The following XPO6 variants were observed in gnomAD, a reference collection of about 807,000 sequenced individuals.
XPO6 encodes the protein exportin-6.
A neutral mutation model predicts 130.0 loss-of-function variants in XPO6; 3 were observed. The observed-to-expected ratio is 0.02, with a 90% CI of 0.01 to 0.06. The LOEUF is 0.06. Ranked by LOEUF, XPO6 falls within the 10% of genes least tolerant of loss-of-function variation. The pLI is 1.00. For synonymous variants in XPO6, 524 were observed against 548.9 expected (o/e 0.95, Z 0.63); for missense variants, 970 against 1,393.0 (o/e 0.70, Z 4.83).
intron 6 of XPO6, among the ~76,000 whole-genome samples, chr16:28,163,137 G>A (rs1027014312): frequency 6.6e-6 from 1 of 152,152 alleles, no homozygotes; most frequent in African/African-American, 2.4e-5. Context: ...TGCAGCCTTG[G>A]CCAGTAAAAT....
At position 28,138,622 on chromosome 16, in the gene XPO6, G is replaced by A. The variant is rs548565980; in HGVS notation, c.1335-3298C>T. 8.7e-4 allele frequency among the ~76,000 whole-genome samples: 133 copies of A among 152,274 alleles called. 1 individual carries two copies. Among genetic ancestry groups the A allele is most frequent in the South Asian group, 1.7e-3 (8 of 4,824 alleles). Reference sequence around the variant, plus strand: ...GCCCAATACCCATTCTCCTTCCTCAGCAAGAGAGCACTGGGTATTGAGGCC... The same window carrying A: ...GCCCAATACCCATTCTCCTTCCTCAACAAGAGAGCACTGGGTATTGAGGCC... On this transcript the variant is annotated intron_variant, in intron 9 of 23. Transcript: ENST00000304658.
chr16:28,150,574 C>T (rs907100198), intron 8 of XPO6, among the ~76,000 whole-genome samples: 7 of 152,082 alleles, frequency 4.6e-5, no homozygotes, highest in Admixed American at 4.6e-4. Flanking sequence ...TGGGTCCAAT[C>T]CAAAGAATCA....
chr16:28,152,156 T>C (rs2043104523), intron 8 of XPO6, among the ~76,000 whole-genome samples: 1 of 152,158 alleles, frequency 6.6e-6, no homozygotes, highest in African/African-American at 2.4e-5. Flanking sequence ...CAAAGACTGC[T>C]TGTGAAGGTT....
intron 9 of XPO6, among the ~76,000 whole-genome samples, chr16:28,144,545 A>AC (rs1203342356): frequency 6.6e-6 from 1 of 152,192 alleles, no homozygotes; most frequent in Non-Finnish European, 1.5e-5. Context: ...CATGTGGCTG[A>AC]GACTACAGGT....
At chr16:28,154,613 CT>C (rs1401768628) in intron 7 of XPO6, 2 of 152,266 alleles carry the variant, frequency 1.3e-5, no homozygotes, top group African/African-American at 4.8e-5. Context: ...CACCTCTCAG[CT>C]TTCACAGGGC....
At chr16:28,135,912 G>A (rs1305347292) in intron 9 of XPO6, among the ~76,000 whole-genome samples, 4 of 152,124 alleles carry the variant, frequency 2.6e-5, no homozygotes. Flanking sequence ...GTGTCAAACA[G>A]GTATTTTCTA....
At chr16:28,163,097 AT>A (rs748683278) in intron 6 of XPO6, among the ~76,000 whole-genome samples, 39 of 152,164 alleles carry the variant, frequency 2.6e-4, no homozygotes, top group Non-Finnish European at 4.4e-4. Context: ...ACTGACAAAT[AT>A]CCCCTGCAGG....
chr16:28,111,599 A>T, intron 17 of XPO6: 1 of 479,942 alleles, frequency 2.1e-6, no homozygotes, highest in Non-Finnish European at 3.7e-6. Context: ...AAATAAGAGA[A>T]GGGACAGTTT....
At chr16:28,122,447 C>T (rs1226945551) in intron 13 of XPO6, among the ~76,000 whole-genome samples, 1 of 152,026 alleles carries the variant, frequency 6.6e-6, no homozygotes, top group African/African-American at 2.4e-5. Flanking sequence ...CAAAGTAGGA[C>T]CCTGTCTTTT....
At chr16:28,117,155 A>T in intron 15 of XPO6, 163 bp downstream of exon 15, 1 of 895,736 alleles carries the variant, frequency 1.1e-6, no homozygotes, top group Non-Finnish European at 1.7e-6. Flanking sequence ...GAATGCATGT[A>T]GGCTACAACT....
chr16:28,208,234 C>T (rs541066770), intron 1 of XPO6, among the ~76,000 whole-genome samples: 2 of 152,334 alleles, frequency 1.3e-5, no homozygotes, highest in East Asian at 3.9e-4. Flanking sequence ...TCACATTACG[C>T]CACTTTCAAG....
intron 2 of XPO6, among the ~76,000 whole-genome samples, chr16:28,180,616 G>A (rs1399712439): frequency 6.6e-6 from 1 of 152,116 alleles, no homozygotes; most frequent in Non-Finnish European, 1.5e-5. Context: ...AGGATCACTT[G>A]AGGCCAGGAG....
At position 28,211,417 on chromosome 16, in the gene XPO6, AC is replaced by A. The variant is rs2044130203; in HGVS notation, c.-50del. The A allele has an allele frequency of 1.5e-6, 2 of 1,311,030 alleles. No homozygotes were observed. Among genetic ancestry groups the A allele is most frequent in the African/African-American group, 3.0e-5 (2 of 66,306 alleles). The allele number at this position is 1,311,030 out of a possible 1,614,324, so 81.2% of individuals were successfully genotyped here. ...AGATGAGCTGGTTCTTGGGCTTCGG[AC>A]ACGTCCCGCTCGCACAGTTCAGGTC... On this transcript the variant is annotated 5_prime_UTR_variant, in exon 1 of 24. Coordinates refer to ENST00000304658, the MANE Select transcript of XPO6 (RefSeq NM_015171.4).
Position 28,132,563 on chromosome 16 carries a change from C to G in XPO6, c.1537-160G>C, listed in dbSNP as rs1243780220. On this transcript the variant is annotated intron_variant, in intron 11 of 23. Coordinates refer to ENST00000304658, the MANE Select transcript of XPO6 (RefSeq NM_015171.4). This position sits in a 1 kb window ranked among gnomAD's most constrained non-coding sequence, Gnocchi z 4.0. The stretch of plus-strand genomic sequence containing the variant: ...AAATGCAGCTAAAAAGCTATGACCC[C>G]CCTTCAGTGCCCCCCAACTAGTTTC... Among the ~76,000 whole-genome samples the G allele has an allele frequency of 6.6e-6, 1 of 151,092 alleles. No individual in the cohort carries two copies. Among genetic ancestry groups the G allele is most frequent in the Non-Finnish European group, 1.5e-5 (1 of 67,862 alleles).
intron 9 of XPO6, among the ~76,000 whole-genome samples, chr16:28,140,082 A>C (rs555479039): frequency 2.6e-5 from 4 of 152,032 alleles, no homozygotes; most frequent in Non-Finnish European, 4.4e-5. Context: ...AAATACAAAA[A>C]TTAGCCAGGC....
At chr16:28,156,670 C>T in intron 6 of XPO6, 143 bp from the exon 7 acceptor site, 2 of 494,540 alleles carry the variant, frequency 4.0e-6, no homozygotes, top group African/African-American at 2.0e-5. Flanking sequence ...AAAATAAAAT[C>T]TATATGCTCA....
At position 28,184,267 on chromosome 16, in the gene XPO6, TG is replaced by T. The variant is rs149981316; in HGVS notation, c.4-3237del. On this transcript the variant is annotated intron_variant, in intron 1 of 23. Transcript: ENST00000304658. ...TGAAGAATAAGAAAATTTATCTGAC[TG>T]CCTCCTACCTTGTGCTTGGGATTTA... Among the ~76,000 whole-genome samples, 1,318 of 152,342 alleles carry T rather than the reference TG, an allele frequency of 8.7e-3. 23 individuals are homozygous for T. The highest frequency in any genetic ancestry group is 0.03 in the African/African-American group (1,246 of 41,566).
At position 28,169,885 on chromosome 16, in the gene XPO6, G is replaced by A. The variant is rs2043421496; in HGVS notation, c.430C>T (p.Pro144Ser). The A allele has an allele frequency of 2.5e-6, 4 of 1,613,950 alleles. No homozygotes were observed. The African/African-American group carries it at 5.3e-5, about 22-fold the overall frequency. The change falls in exon 5 of 24, where the codon CCC (proline) becomes TCC (serine). Residue 144 changes from proline (P) to serine (S), a missense_variant. By Grantham distance (74) the Pro-to-Ser change is moderately conservative (BLOSUM62 -1). Transcript: ENST00000304658. ...GTCTTCAACATGATCAGCCCAAGGG[G>A]GGTTGTCACAGGGGACTGGATCAAC... Reference protein sequence around the residue: ...LQLIQSPVTTPLGLIMLKTTS... With the variant: ...LQLIQSPVTTSLGLIMLKTTS...
chr16:28,205,107 C>T (rs2044007131), intron 1 of XPO6, among the ~76,000 whole-genome samples: 1 of 152,028 alleles, frequency 6.6e-6, no homozygotes, highest in Non-Finnish European at 1.5e-5. Context: ...AGACCAAGTA[C>T]AGGCCACTCC....
Sources: allele counts gnomAD v4.1 joint callset (sites outside exome capture counted in the v4.1 genomes callset), GRCh38; gene constraint gnomAD v4.1.1; non-coding constraint Gnocchi (gnomAD v3.1); transcripts MANE v1.5; gene names NCBI Gene and HGNC (gene_info 2026-07-23, HGNC 2026-07-21).